Variants in CCDC178 observed in about 807,000 individuals in gnomAD.
CCDC178 encodes coiled-coil domain-containing protein 178.
Under a neutral mutation model 117.4 loss-of-function variants are expected in CCDC178, and 126 were observed. That is an observed-to-expected ratio of 1.07 (90% CI 0.93 to 1.24). The LOEUF is 1.24. CCDC178 is among the 50% of genes most tolerant of loss of function. CCDC178 has a pLI of 0.00. For missense variants in CCDC178, 1,030 were observed against 986.9 expected, an observed-to-expected ratio of 1.04 and a Z score of -0.59; for synonymous variants, 283 against 313.4, an observed-to-expected ratio of 0.90 and a Z score of 1.02.
At chr18:32,941,231 A>G (rs2054233171) in intron 22 of CCDC178, among the ~76,000 whole-genome samples, 1 of 152,150 alleles carries the variant, frequency 6.6e-6, no homozygotes, top group Non-Finnish European at 1.5e-5. Context: ...AATGGTCATC[A>G]GTTAAAACAC....
Position 33,160,803 on chromosome 18 carries a change from T to C in CCDC178, c.2238+51093A>G, listed in dbSNP as rs189705149. On this transcript the variant is annotated intron_variant, in intron 20 of 22. Coordinates refer to ENST00000383096, the MANE Select transcript of CCDC178 (RefSeq NM_001105528.4). ...TTCATGGTCTTGGAGACTTGAATGA[T>C]ATTTTCCAAGCTTTGGCGAGTAACC... 7.9e-5 allele frequency among the ~76,000 whole-genome samples: 12 copies of C among 152,272 alleles called. No individual in the cohort carries two copies. The East Asian group carries it at 2.3e-3, about 29-fold the overall frequency.
chr18:33,068,629 A>AT (rs1475920284), intron 21 of CCDC178, among the ~76,000 whole-genome samples: 4 of 152,306 alleles, frequency 2.6e-5, no homozygotes, highest in East Asian at 3.9e-4. Flanking sequence ...TTGCTTTATG[A>AT]TAAAAACTCT....
At chr18:33,416,569 G>A (rs780461918) in intron 2 of CCDC178, among the ~76,000 whole-genome samples, 1 of 152,094 alleles carries the variant, frequency 6.6e-6, no homozygotes, top group Non-Finnish European at 1.5e-5. Context: ...AGGGATTCAA[G>A]ACTTTCATCT....
chr18:33,211,727 T>C (rs1195345591), intron 20 of CCDC178, among the ~76,000 whole-genome samples, 169 bp downstream of exon 20: 1 of 152,006 alleles, frequency 6.6e-6, no homozygotes, highest in Non-Finnish European at 1.5e-5. Context: ...GAATATATCA[T>C]AATTACTTAG....
intron 15 of CCDC178, among the ~76,000 whole-genome samples, chr18:33,231,498 C>T (rs562259517): frequency 2.2e-4 from 34 of 152,240 alleles, no homozygotes; most frequent in African/African-American, 7.7e-4. Context: ...CTAATTATTG[C>T]CTCTTAGCTC....
chr18:33,279,612 C>A (rs1450072455), intron 12 of CCDC178, among the ~76,000 whole-genome samples: 1 of 152,140 alleles, frequency 6.6e-6, no homozygotes, highest in Non-Finnish European at 1.5e-5. Flanking sequence ...CTTTCAAGTT[C>A]ATATGGAACC....
intron 19 of CCDC178, among the ~76,000 whole-genome samples, chr18:33,214,949 T>C (rs764026966): frequency 1.3e-5 from 2 of 151,902 alleles, no homozygotes; most frequent in Non-Finnish European, 2.9e-5. Flanking sequence ...CAGTTCTCAA[T>C]GTTTTACAAG....
chr18:33,096,517 G>A (rs2057546784), intron 20 of CCDC178, among the ~76,000 whole-genome samples: 1 of 151,708 alleles, frequency 6.6e-6, no homozygotes, highest in Non-Finnish European at 1.5e-5. Flanking sequence ...AATAACAACT[G>A]AGACTTACAC....
chr18:33,130,152 G>A (rs987869048), intron 20 of CCDC178, among the ~76,000 whole-genome samples: 4 of 151,878 alleles, frequency 2.6e-5, no homozygotes, highest in South Asian at 4.1e-4. Context: ...AGTCATTACC[G>A]AAGAGCAAGG....
chr18:32,963,673 G>A (rs555374405), intron 22 of CCDC178, among the ~76,000 whole-genome samples: 33 of 152,080 alleles, frequency 2.2e-4, no homozygotes, highest in Middle Eastern at 3.4e-3. Flanking sequence ...TGTAGTTTAT[G>A]AGTTCTCTCC....
intron 2 of CCDC178, among the ~76,000 whole-genome samples, chr18:33,412,367 C>A (rs531572881): frequency 6.6e-6 from 1 of 152,034 alleles, no homozygotes; most frequent in African/African-American, 2.4e-5. Context: ...AGGCTGACTA[C>A]GAGATAATTT....
rs545222232 is a variant in CCDC178, at chr18:33,419,184, C to T, written c.-22-7074G>A. Among the ~76,000 whole-genome samples, 17 of 152,170 alleles carry T rather than the reference C, an allele frequency of 1.1e-4. No individual in the cohort carries two copies. In the South Asian group the frequency reaches 3.3e-3, roughly 30 times the overall value. ...TGACAAAGTCGACAAAAACAAGCAA[C>T]GGAGAAAGGACACCCTCTTCAATAA... On this transcript the variant is annotated intron_variant, in intron 2 of 22. Coordinates refer to ENST00000383096, the MANE Select transcript of CCDC178 (RefSeq NM_001105528.4).
chr18:33,224,334 T>C (rs1160941551), intron 17 of CCDC178, among the ~76,000 whole-genome samples: 1 of 152,198 alleles, frequency 6.6e-6, no homozygotes, highest in African/African-American at 2.4e-5. Context: ...ACTTGTAATT[T>C]TGAAAATATT....
intron 22 of CCDC178, among the ~76,000 whole-genome samples, chr18:32,943,016 A>C (rs540465400): frequency 6.6e-6 from 1 of 152,312 alleles, no homozygotes; most frequent in Admixed American, 6.5e-5. Flanking sequence ...CAAAAAAGTA[A>C]GTTAGAAATT....
chr18:33,146,032 A>G (rs1360471059), intron 20 of CCDC178, among the ~76,000 whole-genome samples: 1 of 152,218 alleles, frequency 6.6e-6, no homozygotes, highest in East Asian at 1.9e-4. Context: ...CTAAATTAAA[A>G]TATATGGCAT....
chr18:33,294,035 G>T (rs778358192), intron 11 of CCDC178, among the ~76,000 whole-genome samples: 1 of 152,146 alleles, frequency 6.6e-6, no homozygotes, highest in Admixed American at 6.5e-5. Context: ...GCTTTCACAG[G>T]CTTAGAGGTA....
At position 32,947,634 on chromosome 18, in the gene CCDC178, C is replaced by T. The variant is rs201669240; in HGVS notation, c.2524-9543G>A. Among the ~76,000 whole-genome samples, 46 of 151,928 alleles carry T rather than the reference C, an allele frequency of 3.0e-4. 1 individual carries two copies. In the East Asian group the frequency reaches 7.9e-3, roughly 26 times the overall value. On this transcript the variant is annotated intron_variant, in intron 22 of 22. Coordinates refer to ENST00000383096, the MANE Select transcript of CCDC178 (RefSeq NM_001105528.4). ...ATACAAGTCCTTTATCAGATATATC[C>T]CCTACAAATATTTTCTTCCTATGTG...
At chr18:33,412,732 A>T (rs2063875445) in intron 2 of CCDC178, among the ~76,000 whole-genome samples, 1 of 152,196 alleles carries the variant, frequency 6.6e-6, no homozygotes, top group African/African-American at 2.4e-5. Flanking sequence ...CAATAATGTA[A>T]TTAACACAAT....
intron 5 of CCDC178, among the ~76,000 whole-genome samples, chr18:33,374,089 G>C (rs992388378): frequency 6.6e-6 from 1 of 152,136 alleles, no homozygotes; most frequent in African/African-American, 2.4e-5. Flanking sequence ...AGAGATCTGG[G>C]AGAAAAACAG....
Sources: allele counts gnomAD v4.1 joint callset (sites outside exome capture counted in the v4.1 genomes callset), GRCh38; gene constraint gnomAD v4.1.1; transcripts MANE v1.5; gene names NCBI Gene and HGNC (gene_info 2026-07-23, HGNC 2026-07-21).